ANO1: variants seen among roughly 807,000 people sequenced by gnomAD.
ANO1 encodes anoctamin 1, also known as anoctamin-1.
Under a neutral mutation model 124.0 loss-of-function variants are expected in ANO1, and 59 were observed. The ratio of observed to expected loss-of-function variants is 0.48; its 90% CI spans 0.39 to 0.59. ANO1 has a LOEUF of 0.59. Ranked by LOEUF, ANO1 falls within the 20% of genes least tolerant of loss-of-function variation. The probability of loss-of-function intolerance (pLI) is 0.00; values close to 1 mark genes in which losing one functional copy is unlikely to be tolerated. For missense variants in ANO1, 1,059 were observed against 1,328.0 expected (o/e 0.80, Z 3.15); for synonymous variants, 529 against 532.0 (o/e 0.99, Z 0.08).
chr11:70,031,126 G>A (rs34908212), intron 1 of ANO1, among the ~76,000 whole-genome samples: 19,223 of 152,068 alleles, frequency 0.13, 1,417 homozygotes, highest in African/African-American at 0.2. Context: ...TGCGTTTTTC[G>A]TAGAGATGGA....
At chr11:70,132,712 A>G (rs2046809686) in intron 11 of ANO1, among the ~76,000 whole-genome samples, 5 of 152,188 alleles carry the variant, frequency 3.3e-5, no homozygotes, top group Admixed American at 2.0e-4. Flanking sequence ...GGAGGTTGGT[A>G]AGTGGTGGCT....
the ANO1 span, among the ~76,000 whole-genome samples, chr11:69,975,637 C>T: frequency 6.6e-6 from 1 of 152,204 alleles, no homozygotes. Context: ...GCAAACCATC[C>T]TTATGGGGTT....
the ANO1 span, among the ~76,000 whole-genome samples, chr11:69,980,432 A>T: frequency 6.6e-6 from 1 of 151,958 alleles, no homozygotes; most frequent in Non-Finnish European, 1.5e-5. Context: ...CATCCTGGCT[A>T]ACACGGTGAA....
At chr11:70,109,940 G>A (rs1221613961) in intron 6 of ANO1, among the ~76,000 whole-genome samples, 2 of 151,976 alleles carry the variant, frequency 1.3e-5, no homozygotes, top group East Asian at 3.9e-4. Flanking sequence ...TCTGAGAGTC[G>A]ACCCACCTCT....
At chr11:70,069,262 A>G (rs1379700871) in intron 1 of ANO1, among the ~76,000 whole-genome samples, 2 of 152,228 alleles carry the variant, frequency 1.3e-5, no homozygotes, top group Non-Finnish European at 2.9e-5. Context: ...TTCTGCAGAG[A>G]GATCCAGAAG....
chr11:70,179,512 T>C (rs1041181501), intron 22 of ANO1, among the ~76,000 whole-genome samples: 8 of 152,144 alleles, frequency 5.3e-5, no homozygotes, highest in African/African-American at 1.9e-4. Context: ...CAAGGGTGTG[T>C]CTAGATAGGG....
chr11:70,171,518 C>T (rs566522142), intron 22 of ANO1, among the ~76,000 whole-genome samples: 1 of 152,328 alleles, frequency 6.6e-6, no homozygotes, highest in Admixed American at 6.5e-5. Flanking sequence ...CATCTGTAGA[C>T]AGGGAAGAAC....
At chr11:70,037,698 C>T (rs1020611243) in intron 1 of ANO1, among the ~76,000 whole-genome samples, 1 of 152,114 alleles carries the variant, frequency 6.6e-6, no homozygotes, top group Non-Finnish European at 1.5e-5. Flanking sequence ...ACTCTATACC[C>T]GAAGCACCTC....
chr11:70,121,296 CTG>C (rs1241249296), intron 8 of ANO1, among the ~76,000 whole-genome samples: 1 of 151,010 alleles, frequency 6.6e-6, no homozygotes, highest in Non-Finnish European at 1.5e-5. Context: ...GTCTGTCTGT[CTG>C]TCTCTCCATC....
chr11:70,136,782 C>A (rs1163794884), intron 11 of ANO1, among the ~76,000 whole-genome samples: 2 of 148,034 alleles, frequency 1.4e-5, no homozygotes, highest in African/African-American at 2.4e-5. Flanking sequence ...CAGGTGGGGA[C>A]AGACACGCAC....
intron 25 of ANO1, among the ~76,000 whole-genome samples, chr11:70,186,724 T>C (rs763797485): frequency 4.6e-5 from 7 of 152,110 alleles, no homozygotes; most frequent in Non-Finnish European, 8.8e-5. Context: ...CTAGTCTCGA[T>C]TAAGTCGATG....
rs183532618 is a variant in ANO1 at position 70,157,541 on chromosome 11, C to T, written c.1578+520C>T. ...GAGACCAGGGTTCCAAAGTGACCCCCAGTGGGGGCTTCACACGCCAGGGAG... is the reference window on the plus strand; with the variant it reads ...GAGACCAGGGTTCCAAAGTGACCCCTAGTGGGGGCTTCACACGCCAGGGAG... On this transcript the variant is annotated intron_variant, in intron 16 of 25. Coordinates refer to ENST00000355303, the MANE Select transcript of ANO1 (RefSeq NM_018043.7). Among the ~76,000 whole-genome samples the T allele has an allele frequency of 2.6e-3, 389 of 152,220 alleles. 6 individuals carry two copies. Among genetic ancestry groups the T allele is most frequent in the Non-Finnish European group, 4.0e-3 (270 of 68,012 alleles).
chr11:70,111,321 C>T, intron 6 of ANO1: 1 of 486,546 alleles, frequency 2.1e-6, no homozygotes, highest in Admixed American at 2.5e-5. Context: ...TAACCACTTA[C>T]AATCCACCTT....
At chr11:70,036,904 G>T (rs2135046487) in intron 1 of ANO1, among the ~76,000 whole-genome samples, 1 of 152,336 alleles carries the variant, frequency 6.6e-6, no homozygotes, top group South Asian at 2.1e-4. Context: ...ACCGTGCCTA[G>T]CCTGTATGTG....
intron 11 of ANO1, among the ~76,000 whole-genome samples, chr11:70,132,926 A>G (rs935553708): frequency 6.8e-6 from 1 of 147,162 alleles, no homozygotes; most frequent in African/African-American, 2.5e-5. Flanking sequence ...GGCCAGGCAC[A>G]GAGACAGCGC....
At chr11:70,153,613 G>A (rs2047686309) in intron 14 of ANO1, among the ~76,000 whole-genome samples, 1 of 152,316 alleles carries the variant, frequency 6.6e-6, no homozygotes, top group Non-Finnish European at 1.5e-5. Context: ...GAGAATGAGG[G>A]TGAGACATGT....
intron 3 of ANO1, 56 bp from the exon 4 acceptor site, chr11:70,103,943 A>G (rs2045383609): frequency 2.6e-6 from 4 of 1,562,720 alleles, no homozygotes; most frequent in Admixed American, 1.8e-5. Context: ...AACAGATTCC[A>G]CGGATCATGG....
chr11:69,978,379 C>T, the ANO1 span, among the ~76,000 whole-genome samples: 1 of 152,122 alleles, frequency 6.6e-6, no homozygotes, highest in Non-Finnish European at 1.5e-5. Context: ...AGACAGGCCT[C>T]ACTCCCGGTA....
At chr11:70,123,583 G>A (rs944448963) in intron 8 of ANO1, among the ~76,000 whole-genome samples, 31 of 152,122 alleles carry the variant, frequency 2.0e-4, no homozygotes, top group Non-Finnish European at 4.0e-4. Context: ...CTGAGGAGGA[G>A]GGCAGCTGCC....
Sources: allele counts gnomAD v4.1 joint callset (sites outside exome capture counted in the v4.1 genomes callset), GRCh38; gene constraint gnomAD v4.1.1; transcripts MANE v1.5; gene names NCBI Gene and HGNC (gene_info 2026-07-23, HGNC 2026-07-21).